Variants in RIF1 observed in about 807,000 individuals in gnomAD.
The protein encoded by RIF1 is replication timing regulatory factor 1, also known as telomere-associated protein RIF1.
In RIF1, 45 loss-of-function variants were observed where a neutral mutation model predicts 247.1. The observed-to-expected ratio is 0.18, with a 90% CI of 0.14 to 0.23. The LOEUF is 0.23. RIF1 is among the 10% of genes least tolerant of loss of function. RIF1 has a pLI of 1.00. For missense variants in RIF1, 2,967 were observed against 2,862.5 expected, an observed-to-expected ratio of 1.04 and a Z score of -0.83; for synonymous variants, 1,087 against 978.8, an observed-to-expected ratio of 1.11 and a Z score of -2.06.
intron 11 of RIF1, 143 bp downstream of exon 11, chr2:151,435,723 A>G (rs965188185): frequency 1.8e-6 from 1 of 551,956 alleles, no homozygotes; most frequent in Non-Finnish European, 3.2e-6. Context: ...CATAATTTTT[A>G]GGTTCATTAC....
At chr2:151,466,700 C>A (rs992893092) in intron 30 of RIF1, among the ~76,000 whole-genome samples, 3 of 152,172 alleles carry the variant, frequency 2.0e-5, no homozygotes, top group African/African-American at 7.2e-5. Flanking sequence ...TTGTGCCTTG[C>A]ACATAGTTTG....
At chr2:151,469,942 C>A in intron 34 of RIF1, 78 bp downstream of exon 34, 2 of 1,039,846 alleles carry the variant, frequency 1.9e-6, no homozygotes, top group Non-Finnish European at 2.8e-6. Flanking sequence ...GTTAAAAGAT[C>A]ACTTCATAAT....
At chr2:151,505,219 TAAG>T (rs374373873) in intron 12 of RIF1, among the ~76,000 whole-genome samples, 10 of 152,174 alleles carry the variant, frequency 6.6e-5, no homozygotes, top group African/African-American at 2.2e-4. Flanking sequence ...GATAATTAAT[TAAG>T]AAGCCAAGTC....
chr2:151,472,956 C>T (rs1185780736), intron 34 of RIF1, among the ~76,000 whole-genome samples: 1 of 152,126 alleles, frequency 6.6e-6, no homozygotes, highest in Non-Finnish European at 1.5e-5. Flanking sequence ...GTACCAGCTC[C>T]TCTTTGTACC....
chr2:151,434,583 G>A (rs1040994798), intron 10 of RIF1, among the ~76,000 whole-genome samples: 2 of 151,886 alleles, frequency 1.3e-5, no homozygotes, highest in East Asian at 1.9e-4. Context: ...TGGGACTACA[G>A]GCGCCCGCCA....
At position 151,464,582 on chromosome 2, in the gene RIF1, T is replaced by C; in HGVS notation, c.5062T>C (p.Ser1688Pro). 1 of 1,613,526 alleles carries C rather than the reference T, an allele frequency of 6.2e-7. No individual in the cohort carries two copies. The highest frequency in any genetic ancestry group is 8.5e-7 in the Non-Finnish European group (1 of 1,179,628). The change falls in exon 30 of 36, where the codon TCT (serine) becomes CCT (proline). Residue 1688 changes from serine (S) to proline (P), a missense_variant. Around this residue, in one of 7 missense-constraint regions of RIF1, gnomAD observed 2,028 missense variants for 1,825.6 expected, o/e 1.11. Coordinates refer to ENST00000444746, the MANE Select transcript of RIF1 (RefSeq NM_018151.5). Reference protein sequence around the residue: ...NAIKRLHKRDSFDNCSLGESS... With the variant: ...NAIKRLHKRDPFDNCSLGESS... ...CATTAAGAGATTACATAAGCGAGAC[T>C]CTTTTGATAATTGTAGTTTGGGAGA... is the stretch of plus-strand genomic sequence containing the variant.
chr2:151,410,241 C>T (rs1685906464), intron 1 of RIF1, 173 bp from the exon 2 acceptor site: 7 of 632,518 alleles, frequency 1.1e-5, no homozygotes, highest in African/African-American at 1.8e-5. Flanking sequence ...TGGTGTCGGG[C>T]GCCGGAGGAG....
At chr2:151,435,358 T>C (rs957999145) in intron 10 of RIF1, 105 bp from the exon 11 acceptor site, 2 of 711,338 alleles carry the variant, frequency 2.8e-6, no homozygotes, top group Non-Finnish European at 4.9e-6. Flanking sequence ...ATCTGTAAAA[T>C]GGAATATATT....
chr2:151,423,001 G>A lies in RIF1; in HGVS notation c.745G>A (p.Val249Met), dbSNP rs1267198791. 4 of 1,600,016 alleles carry A rather than the reference G, an allele frequency of 2.5e-6. No homozygotes were observed. The highest frequency in any genetic ancestry group is 3.4e-6 in the Non-Finnish European group (4 of 1,169,198). ...KLFMSKNETY[V>M]LKLWPLFVKL... The stretch of plus-strand genomic sequence containing the variant: ...ATTTATGAGTAAAAATGAGACTTAC[G>A]TGTTAAAATTATGGCCTTTGTTTGT... The change falls in exon 8 of 36, where the codon GTG (valine) becomes ATG (methionine). Residue 249 changes from valine (V) to methionine (M), a missense_variant. Physicochemically the swap from Val to Met is conservative, Grantham distance 21. This residue lies in a region of RIF1 where 71 missense variants were observed against 132.9 expected (regional missense o/e 0.53). Transcript: ENST00000444746.
chr2:151,508,175 A>AAT (rs2070860738), downstream of RIF1: 2 of 1,104,748 alleles, frequency 1.8e-6, no homozygotes, highest in African/African-American at 3.1e-5. Flanking sequence ...TGGGACCTAA[A>AAT]ATAGGCTATT....
At chr2:151,495,049 A>G (rs1048252504) in intron 9 of RIF1, 13 of 152,174 alleles carry the variant, frequency 8.5e-5, no homozygotes, top group African/African-American at 2.9e-4. Context: ...GGTTTCCCCT[A>G]CCCTCTTTTT....
At position 151,463,327 on chromosome 2, in the gene RIF1, A is replaced by G; in HGVS notation, c.3807A>G (p.Glu1269=). 6.2e-7 allele frequency: 1 copy of G among 1,613,832 alleles called. No homozygotes were observed. Among genetic ancestry groups the G allele is most frequent in the Non-Finnish European group, 8.5e-7 (1 of 1,179,936 alleles). ...TDFLPKAKQR[E]GTFSKSDSEK... is the part of the protein sequence containing the mutation. ...TTCTACCAAAAGCAAAGCAAAGAGAAGGGACTTTTTCAAAATCTGATTCTG... is the reference window on the plus strand; with the variant it reads ...TTCTACCAAAAGCAAAGCAAAGAGAGGGGACTTTTTCAAAATCTGATTCTG... The change falls in exon 30 of 36, where the codon GAA becomes GAG. Residue 1269 remains glutamate (E), a synonymous_variant. Transcript: ENST00000444746.
intron 10 of RIF1, chr2:151,498,097 T>C: frequency 2.7e-6 from 4 of 1,470,834 alleles, no homozygotes; most frequent in African/African-American, 2.8e-5. Flanking sequence ...AGTAAAAAAT[T>C]GACATTAACT....
At chr2:151,411,179 A>G in intron 2 of RIF1, 81 bp from the exon 3 acceptor site, 1 of 873,180 alleles carries the variant, frequency 1.1e-6, no homozygotes, top group Admixed American at 2.3e-5. Flanking sequence ...GTAATTTTTA[A>G]AAAGATTGTA....
In RIF1 at chr2:151,465,801, C is replaced by T. The variant is rs1446353141; in HGVS notation, c.6281C>T (p.Ser2094Phe). The T allele has an allele frequency of 6.2e-7, 1 of 1,612,932 alleles. No homozygotes were observed. The highest frequency in any genetic ancestry group is 8.5e-7 in the Non-Finnish European group (1 of 1,179,046). Reference protein sequence around the residue: ...KTETNTEYSKSEEKLDNNQMV... With the variant: ...KTETNTEYSKFEEKLDNNQMV... The stretch of plus-strand genomic sequence containing the variant: ...GAAACAAATACTGAGTATAGTAAAT[C>T]TGAAGAAAAATTAGATAACAATCAA... Residue 2094 changes from serine (S) to phenylalanine (F), a missense_variant, in exon 30 of 36, where the codon TCT becomes TTT. By Grantham distance (155) the Ser-to-Phe change is radical. Around this residue, in one of 7 missense-constraint regions of RIF1, gnomAD observed 2,028 missense variants for 1,825.6 expected, o/e 1.11. Coordinates refer to ENST00000444746, the MANE Select transcript of RIF1 (RefSeq NM_018151.5).
chr2:151,437,687 T>A (rs913660662), intron 13 of RIF1, among the ~76,000 whole-genome samples: 2 of 152,158 alleles, frequency 1.3e-5, no homozygotes, highest in Non-Finnish European at 2.9e-5. Flanking sequence ...CAAGACTCTA[T>A]TAAAAAATAA....
At chr2:151,485,050 GCTT>G (rs1360808692), downstream of RIF1, among the ~76,000 whole-genome samples, 1 of 152,166 alleles carries the variant, frequency 6.6e-6, no homozygotes, top group Non-Finnish European at 1.5e-5. Context: ...CATTATGGTT[GCTT>G]CTTCTCCCTT....
chr2:151,484,652 G>T (rs1450943332), downstream of RIF1, among the ~76,000 whole-genome samples: 1 of 152,198 alleles, frequency 6.6e-6, no homozygotes, highest in East Asian at 1.9e-4. Context: ...TATTCTAAAA[G>T]TTTGGGAGTT....
At chr2:151,416,933 A>G in intron 6 of RIF1, 32 bp downstream of exon 6, 4 of 1,518,110 alleles carry the variant, frequency 2.6e-6, no homozygotes, top group Non-Finnish European at 2.7e-6. Flanking sequence ...AAATTGAAGA[A>G]TAGTTTTCAT....
Sources: gnomAD v4.1 joint callset for allele counts (sites outside exome capture counted in the v4.1 genomes callset) on GRCh38, gnomAD v4.1.1 for gene constraint, gnomAD v4.1.1 regional missense constraint, MANE v1.5 for transcripts, NCBI Gene and HGNC (gene_info 2026-07-23, HGNC 2026-07-21) for gene names.